The following TENT5A variants were observed in gnomAD, a reference collection of about 807,000 sequenced individuals.
TENT5A encodes the protein terminal nucleotidyltransferase 5A, also known as HBV X-transactivated gene 11 protein.
A neutral mutation model predicts 30.2 loss-of-function variants in TENT5A; 9 were observed. The ratio of observed to expected loss-of-function variants is 0.30; its 90% CI spans 0.18 to 0.52. TENT5A has a LOEUF of 0.52. TENT5A is among the 20% of genes least tolerant of loss of function. The probability of loss-of-function intolerance (pLI) is 0.97; values close to 1 mark genes in which losing one functional copy is unlikely to be tolerated. For synonymous variants in TENT5A, 264 were observed against 234.2 expected (o/e 1.13, Z -1.16); for missense variants, 411 against 566.1 (o/e 0.73, Z 2.78).
At position 81,746,524 on chromosome 6, in the gene TENT5A, G is replaced by C. The variant is rs1433840593; in HGVS notation, c.*3171C>G. The C allele has an allele frequency of 3.2e-6, 4 of 1,231,922 alleles. No individual in the cohort carries two copies. The allele number at this position is 1,231,922 out of a possible 1,614,324, so 76.3% of individuals were successfully genotyped here. A position where few individuals can be genotyped will look rare whatever the true frequency, so the allele number is the denominator to read the frequency against. On this transcript the variant is annotated 3_prime_UTR_variant, in exon 3 of 3. Coordinates refer to ENST00000320172, the MANE Select transcript of TENT5A (RefSeq NM_017633.3). ...GAGCAGATACTTGATCCCATTTCTG[G>C]AAAGGAAATGTCCATCTTGGTGTAG...
Position 81,749,327 on chromosome 6 carries a change from T to G in TENT5A, c.*368A>C. 1 of 1,017,652 alleles carries G rather than the reference T, an allele frequency of 9.8e-7. No homozygotes were observed. Among genetic ancestry groups the G allele is most frequent in the Non-Finnish European group, 1.2e-6 (1 of 851,772 alleles). The allele number at this position is 1,017,652 out of a possible 1,614,324, so 63.0% of individuals were successfully genotyped here. ...TTATGAATTCCATCTTAAAAGAAAC[T>G]TTCCACTTTTTTTTTTCCTATGGCA... On this transcript the variant is annotated 3_prime_UTR_variant, in exon 3 of 3. Transcript: ENST00000320172.
Position 81,751,743 on chromosome 6 carries a change from G to A in TENT5A, c.399C>T (p.Ser133=). Residue 133 remains serine (S), a synonymous_variant, in exon 2 of 3, where the codon AGC becomes AGT. Transcript: ENST00000320172. ...SAASHVLHQD[S]GLGYKDLDLI... The stretch of plus-strand genomic sequence containing the variant: ...GGTCCAGGTCCTTGTAGCCCAGGCC[G>A]CTGTCCTGGTGCAGGACATGGCTGG... 1 of 1,613,664 alleles carries A rather than the reference G, an allele frequency of 6.2e-7. No homozygotes were observed. The highest frequency in any genetic ancestry group is 8.5e-7 in the Non-Finnish European group (1 of 1,180,030).
Position 81,751,799 on chromosome 6 carries a change from C to T in TENT5A, c.343G>A (p.Val115Ile). 1 of 1,612,748 alleles carries T rather than the reference C, an allele frequency of 6.2e-7. No individual in the cohort carries two copies. The highest frequency in any genetic ancestry group is 8.5e-7 in the Non-Finnish European group (1 of 1,179,768). Residue 115 changes from valine to isoleucine, a missense_variant, in exon 2 of 3, where the codon GTC becomes ATC. Transcript: ENST00000320172. ...GAGCCGTTGAGGCGCACGTCGCGGA[C>T]GCCAATGCGCTTCTCGGCCAGGCGC... The part of the protein sequence containing the change: ...RRRLAEKRIG[V>I]RDVRLNGSAA...
At position 81,749,624 on chromosome 6, in the gene TENT5A, TTTTC is replaced by T; in HGVS notation, c.*67_*70del. On this transcript the variant is annotated 3_prime_UTR_variant, in exon 3 of 3. Coordinates refer to ENST00000320172, the MANE Select transcript of TENT5A (RefSeq NM_017633.3). ...AATAAGGGCTGGATCACTCTTTTTT[TTTTC>T]TTTTTTTTTTTTTTCTCTCCTGTCT... 6.6e-7 allele frequency: 1 copy of T among 1,515,010 alleles called. No homozygotes were observed. Among genetic ancestry groups the T allele is most frequent in the Non-Finnish European group, 8.8e-7 (1 of 1,137,956 alleles). The allele number at this position is 1,515,010 out of a possible 1,614,324, so 93.8% of individuals were successfully genotyped here.
At position 81,749,074 on chromosome 6, in the gene TENT5A, A is replaced by G. The variant is rs569409852; in HGVS notation, c.*621T>C. The G allele has an allele frequency of 1.0e-6, 1 of 985,860 alleles. No individual in the cohort carries two copies. Among genetic ancestry groups the G allele is most frequent in the African/African-American group, 1.7e-5 (1 of 57,358 alleles). The allele number at this position is 985,860 out of a possible 1,614,324, so 61.1% of individuals were successfully genotyped here. A position where few individuals can be genotyped will look rare whatever the true frequency, so the allele number is the denominator to read the frequency against. ...TGGAATTAATGGATTGTGTCATCAT[A>G]AGTTCTGCTGATTGTTACGAGAACT... On this transcript the variant is annotated 3_prime_UTR_variant, in exon 3 of 3. Transcript: ENST00000320172.
chr6:81,749,604 G>A lies in TENT5A; in HGVS notation c.*91C>T. 6.7e-7 allele frequency: 1 copy of A among 1,500,716 alleles called. No homozygotes were observed. The allele number at this position is 1,500,716 out of a possible 1,614,324, so 93.0% of individuals were successfully genotyped here. On this transcript the variant is annotated 3_prime_UTR_variant, in exon 3 of 3. Transcript: ENST00000320172. ...ATTGCACAAAACACATCCCTAATAA[G>A]GGCTGGATCACTCTTTTTTTTTTCT...
chr6:81,747,160 G>A lies in TENT5A; in HGVS notation c.*2535C>T. On this transcript the variant is annotated 3_prime_UTR_variant, in exon 3 of 3. Transcript: ENST00000320172. The stretch of plus-strand genomic sequence containing the variant: ...CTCCAGACTCTTTAAAATAGTAGAC[G>A]ACTCATTTGTCAAGAGTTAGGGTAA... The A allele has an allele frequency of 2.0e-6, 2 of 985,296 alleles. No homozygotes were observed. The highest frequency in any genetic ancestry group is 5.2e-4 in the Middle Eastern group (1 of 1,914). The allele number at this position is 985,296 out of a possible 1,614,324, so 61.0% of individuals were successfully genotyped here.
At position 81,746,009 on chromosome 6, in the gene TENT5A, G is replaced by A; in HGVS notation, c.*3686C>T. On this transcript the variant is annotated 3_prime_UTR_variant, in exon 3 of 3. Coordinates refer to ENST00000320172, the MANE Select transcript of TENT5A (RefSeq NM_017633.3). The stretch of plus-strand genomic sequence containing the variant: ...CAGCAGGCAGAGCCTCCTCCGTTCT[G>A]CAAGGCTTTGCAGCAAGTCTCGTTA... 1.0e-6 allele frequency: 1 copy of A among 985,642 alleles called. No homozygotes were observed. The highest frequency in any genetic ancestry group is 4.7e-5 in the South Asian group (1 of 21,286). 61.1% of individuals were successfully genotyped at this position (985,642 alleles called of 1,614,324 possible). A position where few individuals can be genotyped will look rare whatever the true frequency, so the allele number is the denominator to read the frequency against.
Position 81,750,131 on chromosome 6 carries a change from T to G in TENT5A, c.893A>C (p.Asn298Thr), listed in dbSNP as rs747538626. Reference sequence around the variant, plus strand: ...GGGCCTAAAGCCCCTCACCAAGAGGTTGCAGTACTTAAGCAGGCCTCCCCC... The same window carrying G: ...GGGCCTAAAGCCCCTCACCAAGAGGGTGCAGTACTTAAGCAGGCCTCCCCC... The part of the protein sequence containing the change: ...IRGGGLLKYC[N>T]LLVRGFRPAS... The change falls in exon 3 of 3, where the codon AAC becomes ACC. Residue 298 changes from asparagine to threonine, a missense_variant. Physicochemically the swap from Asn to Thr is moderately conservative, Grantham distance 65. Around this residue, in one of 5 missense-constraint regions of TENT5A, gnomAD observed 135 missense variants for 240.0 expected, o/e 0.56. Transcript: ENST00000320172. This position sits in a 1 kb window ranked among gnomAD's most constrained non-coding sequence, Gnocchi z 4.2. 6.2e-7 allele frequency: 1 copy of G among 1,613,782 alleles called. No individual in the cohort carries two copies. The highest frequency in any genetic ancestry group is 8.5e-7 in the Non-Finnish European group (1 of 1,179,830).
chr6:81,752,036 CG>C lies in TENT5A; in HGVS notation c.105del (p.Asp36ThrfsTer31). 6.3e-7 allele frequency: 1 copy of C among 1,581,296 alleles called. No individual in the cohort carries two copies. The highest frequency in any genetic ancestry group is 1.1e-5 in the South Asian group (1 of 90,004). ...GDFGGGDFGGGDFGGGDFGGG... is the reference protein window; with the variant it reads ...GDFGGGDFGGXDFGGGDFGGG... Reference sequence around the variant, plus strand: ...CCGCCGAAGTCGCCGCCGCCGAAGTCGCCGCCGCCGAAGTCGCCGCCGCCGA... The same window carrying C: ...CCGCCGAAGTCGCCGCCGCCGAAGTCCCGCCGCCGAAGTCGCCGCCGCCGA... On this transcript the variant is annotated frameshift_variant, in exon 2 of 3. Transcript: ENST00000320172. LOFTEE classifies it high-confidence loss of function.
rs1258761957 is a variant in TENT5A, at chr6:81,747,359, G to A, written c.*2336C>T. 1 of 985,688 alleles carries A rather than the reference G, an allele frequency of 1.0e-6. No individual in the cohort carries two copies. The highest frequency in any genetic ancestry group is 1.2e-6 in the Non-Finnish European group (1 of 829,926). 61.1% of individuals were successfully genotyped at this position (985,688 alleles called of 1,614,324 possible). A position where few individuals can be genotyped will look rare whatever the true frequency, so the allele number is the denominator to read the frequency against. On this transcript the variant is annotated 3_prime_UTR_variant, in exon 3 of 3. Coordinates refer to ENST00000320172, the MANE Select transcript of TENT5A (RefSeq NM_017633.3). ...GTTGCAATTAATTTTTCAAACCCAG[G>A]GCTTAAGTGAGGGAGACTGAGCCAA... is the stretch of plus-strand genomic sequence containing the variant.
chr6:81,745,782 C>T lies in TENT5A; in HGVS notation c.*3913G>A, dbSNP rs1259555603. 2 of 985,054 alleles carry T rather than the reference C, an allele frequency of 2.0e-6. No homozygotes were observed. The highest frequency in any genetic ancestry group is 2.4e-6 in the Non-Finnish European group (2 of 829,316). The allele number at this position is 985,054 out of a possible 1,614,324, so 61.0% of individuals were successfully genotyped here. ...TACAAAAAAATCCAAATATTGGATG[C>T]TGTAAACAAAATTCACAATCTGTTC... is the stretch of plus-strand genomic sequence containing the variant. On this transcript the variant is annotated 3_prime_UTR_variant, in exon 3 of 3. Transcript: ENST00000320172.
At position 81,748,914 on chromosome 6, in the gene TENT5A, T is replaced by C; in HGVS notation, c.*781A>G. On this transcript the variant is annotated 3_prime_UTR_variant, in exon 3 of 3. Transcript: ENST00000320172. ...TGGTGTGTAACAAATATAATCTCTC[T>C]TCATATAGTCTACTATATCTCTTCT... is the stretch of plus-strand genomic sequence containing the variant. 1 of 983,968 alleles carries C rather than the reference T, an allele frequency of 1.0e-6. No homozygotes were observed. The highest frequency in any genetic ancestry group is 1.2e-6 in the Non-Finnish European group (1 of 828,196). The allele number at this position is 983,968 out of a possible 1,614,324, so 61.0% of individuals were successfully genotyped here.
Position 81,748,394 on chromosome 6 carries a change from A to T in TENT5A, c.*1301T>A, listed in dbSNP as rs937719524. The T allele has an allele frequency of 2.0e-6, 2 of 983,128 alleles. No individual in the cohort carries two copies. The highest frequency in any genetic ancestry group is 4.7e-5 in the South Asian group (1 of 21,248). The allele number at this position is 983,128 out of a possible 1,614,324, so 60.9% of individuals were successfully genotyped here. A position where few individuals can be genotyped will look rare whatever the true frequency, so the allele number is the denominator to read the frequency against. ...TTTTATGGCTCACCAAAGAAAAAAA[A>T]AAAAAGAAAAAAAAATCCCACTAAA... On this transcript the variant is annotated 3_prime_UTR_variant, in exon 3 of 3. Coordinates refer to ENST00000320172, the MANE Select transcript of TENT5A (RefSeq NM_017633.3).
Position 81,748,876 on chromosome 6 carries a change from C to T in TENT5A, c.*819G>A. 1.0e-6 allele frequency: 1 copy of T among 985,424 alleles called. No individual in the cohort carries two copies. The highest frequency in any genetic ancestry group is 1.2e-6 in the Non-Finnish European group (1 of 829,584). The allele number at this position is 985,424 out of a possible 1,614,324, so 61.0% of individuals were successfully genotyped here. ...TCAAATTTTCAGAAGGCAACAGGCA[C>T]TTTGATGTATATTGGTGTGTAACAA... On this transcript the variant is annotated 3_prime_UTR_variant, in exon 3 of 3. Coordinates refer to ENST00000320172, the MANE Select transcript of TENT5A (RefSeq NM_017633.3).
Position 81,751,952 on chromosome 6 carries a change from T to G in TENT5A, c.190A>C (p.Asn64His), listed in dbSNP as rs757203640. 3 of 1,604,518 alleles carry G rather than the reference T, an allele frequency of 1.9e-6. No homozygotes were observed. The Admixed American group carries it at 5.0e-5, about 27-fold the overall frequency. ...DYCESPTAHC[N>H]VLNWEQVQRL... ...TGCACTTGCTCCCAGTTCAGCACATTGCAGTGCGCCGTAGGGCTTTCGCAA... is the reference window on the plus strand; with the variant it reads ...TGCACTTGCTCCCAGTTCAGCACATGGCAGTGCGCCGTAGGGCTTTCGCAA... Residue 64 changes from asparagine (N) to histidine (H), a missense_variant, in exon 2 of 3, where the codon AAT becomes CAT. Transcript: ENST00000320172.
Position 81,748,603 on chromosome 6 carries a change from A to C in TENT5A, c.*1092T>G. The C allele has an allele frequency of 3.1e-6, 3 of 961,820 alleles. No homozygotes were observed. The highest frequency in any genetic ancestry group is 3.7e-6 in the Non-Finnish European group (3 of 808,562). 59.6% of individuals were successfully genotyped at this position (961,820 alleles called of 1,614,324 possible). A position where few individuals can be genotyped will look rare whatever the true frequency, so the allele number is the denominator to read the frequency against. Reference sequence around the variant, plus strand: ...TGAGACATTATTCTAGATCATAGTCAATCTACTGTGTATATATACATATAA... The same window carrying C: ...TGAGACATTATTCTAGATCATAGTCCATCTACTGTGTATATATACATATAA... On this transcript the variant is annotated 3_prime_UTR_variant, in exon 3 of 3. Transcript: ENST00000320172.
Position 81,748,213 on chromosome 6 carries a change from G to C in TENT5A, c.*1482C>G. ...CACCGGAAATCCTTTTTAGCAGTCA[G>C]GGATTTAAGTAGCCTATTACTGATC... On this transcript the variant is annotated 3_prime_UTR_variant, in exon 3 of 3. Coordinates refer to ENST00000320172, the MANE Select transcript of TENT5A (RefSeq NM_017633.3). 8.1e-6 allele frequency: 8 copies of C among 985,226 alleles called. No individual in the cohort carries two copies. The highest frequency in any genetic ancestry group is 9.6e-6 in the Non-Finnish European group (8 of 829,770). The allele number at this position is 985,226 out of a possible 1,614,324, so 61.0% of individuals were successfully genotyped here.
chr6:81,749,844 C>T lies in TENT5A; in HGVS notation c.1180G>A (p.Val394Ile), dbSNP rs1768995239. The T allele has an allele frequency of 1.9e-6, 3 of 1,613,984 alleles. No individual in the cohort carries two copies. In the African/African-American group the frequency reaches 4.0e-5, roughly 22 times the overall value. Residue 394 changes from valine (V) to isoleucine (I), a missense_variant, in exon 3 of 3, where the codon GTC becomes ATC. Around this residue, in one of 5 missense-constraint regions of TENT5A, gnomAD observed 75 missense variants for 80.9 expected, o/e 0.93. Transcript: ENST00000320172. ...GTGACATTAGCCACATTAGGAATGA[C>T]ATTTTGGTCAGCTAACACCCGGATA... ...LAIRVLADQN[V>I]IPNVANVTCY...
Sources: allele counts gnomAD v4.1 joint callset, GRCh38; gene constraint gnomAD v4.1.1; regional missense constraint gnomAD v4.1.1; non-coding constraint Gnocchi (gnomAD v3.1); transcripts MANE v1.5; gene names NCBI Gene and HGNC (gene_info 2026-07-23, HGNC 2026-07-21).